The following FBXO15 variants were observed in gnomAD, a reference collection of about 807,000 sequenced individuals.
FBXO15 encodes F-box protein 15.
In FBXO15, 30 loss-of-function variants were observed where a neutral mutation model predicts 49.5. The observed-to-expected ratio is 0.61, with a 90% CI of 0.45 to 0.82. The LOEUF (loss-of-function observed/expected upper bound fraction) is 0.82, where lower values mean the gene tolerates loss of function less well. Ranked by LOEUF, FBXO15 falls within the 40% of genes least tolerant of loss-of-function variation. The pLI, the probability that FBXO15 is intolerant of heterozygous loss-of-function variation, is 0.00. For missense variants in FBXO15, 591 were observed against 631.5 expected (o/e 0.94, Z 0.69); for synonymous variants, 250 against 232.7 (o/e 1.07, Z -0.68).
chr18:74,146,244 T>A (rs1011902189), intron 1 of FBXO15, among the ~76,000 whole-genome samples: 1 of 152,258 alleles, frequency 6.6e-6, no homozygotes, highest in African/African-American at 2.4e-5. Context: ...AAGGGAACAC[T>A]GATTCCTTAA....
At chr18:74,112,686 G>C (rs755004569) in intron 8 of FBXO15, among the ~76,000 whole-genome samples, 2 of 152,210 alleles carry the variant, frequency 1.3e-5, no homozygotes, top group Non-Finnish European at 2.9e-5. Flanking sequence ...AAAGGAAATA[G>C]AAGGTATCCT....
rs1157816619 is a variant in FBXO15 at position 74,129,452 on chromosome 18, G to T, written c.738C>A (p.Gly246=). 6.2e-7 allele frequency: 1 copy of T among 1,613,792 alleles called. No homozygotes were observed. The highest frequency in any genetic ancestry group is 8.5e-7 in the Non-Finnish European group (1 of 1,179,964). ...ACCAGTCGGTAAAAACTGGTGTCAT[G>T]CCACATAAATCTAAGGTTGACAATG... The part of the protein sequence containing the change: ...LASLSTLDLC[G]MTPVFTDWYK... The change falls in exon 5 of 10, where the codon GGC becomes GGA. Residue 246 remains glycine (G), a synonymous_variant. Transcript: ENST00000419743.
At chr18:74,147,473 T>C (rs1979509320) in intron 1 of FBXO15, 197 bp downstream of exon 1, 1 of 1,218,268 alleles carries the variant, frequency 8.2e-7, no homozygotes, top group Non-Finnish European at 1.0e-6. Context: ...GCTACTCTAT[T>C]TGTGTCATAA....
At chr18:74,076,121 T>C (rs747354882) in intron 9 of FBXO15, 2 of 152,242 alleles carry the variant, frequency 1.3e-5, no homozygotes, top group African/African-American at 2.4e-5. Context: ...ATGCCTGAAA[T>C]GTGGGCGTCC....
intron 8 of FBXO15, among the ~76,000 whole-genome samples, chr18:74,089,677 T>C (rs759214840): frequency 6.6e-6 from 1 of 152,222 alleles, no homozygotes; most frequent in Non-Finnish European, 1.5e-5. Context: ...TTGATAATCA[T>C]GTGGTTTTTG....
intron 8 of FBXO15, chr18:74,123,068 G>T: frequency 4.0e-6 from 1 of 252,006 alleles, no homozygotes; most frequent in Non-Finnish European, 7.5e-6. Flanking sequence ...GAAGAAGTCT[G>T]GGGAAAGCAG....
At chr18:74,090,995 A>G (rs754027966) in intron 8 of FBXO15, among the ~76,000 whole-genome samples, 23 of 152,146 alleles carry the variant, frequency 1.5e-4, no homozygotes, top group Admixed American at 1.0e-3. Context: ...GTGGGGTACT[A>G]AAGTCTCCCA....
At chr18:74,141,311 A>C (rs8094941) in intron 1 of FBXO15, among the ~76,000 whole-genome samples, 13,375 of 152,224 alleles carry the variant, frequency 0.088, 1,089 homozygotes, top group African/African-American at 0.21. Flanking sequence ...AGAGCCATGA[A>C]TGGTTACACT....
intron 3 of FBXO15, among the ~76,000 whole-genome samples, chr18:74,130,953 A>G (rs954140710): frequency 2.6e-5 from 4 of 152,244 alleles, no homozygotes; most frequent in Non-Finnish European, 4.4e-5. Context: ...GCCCTCTTAT[A>G]CCAGTAATGG....
chr18:74,134,450 G>C (rs1978590066), intron 3 of FBXO15, among the ~76,000 whole-genome samples: 1 of 145,894 alleles, frequency 6.9e-6, no homozygotes, highest in Admixed American at 7.1e-5. Context: ...CTCACTGCAA[G>C]CTCCGCCTCC....
chr18:74,140,854 T>C (rs1448724988), intron 1 of FBXO15: 2 of 152,252 alleles, frequency 1.3e-5, no homozygotes, highest in African/African-American at 4.8e-5. Context: ...ATTAGCCAAT[T>C]TGGATAAAAC....
intron 2 of FBXO15, among the ~76,000 whole-genome samples, chr18:74,139,601 T>C (rs546701150): frequency 6.6e-6 from 1 of 152,366 alleles, no homozygotes; most frequent in East Asian, 1.9e-4. Context: ...AGTTCTGCAA[T>C]ATGCAGACTA....
intron 8 of FBXO15, among the ~76,000 whole-genome samples, chr18:74,119,148 C>T (rs1914368658): frequency 6.6e-6 from 1 of 152,220 alleles, no homozygotes; most frequent in Non-Finnish European, 1.5e-5. Context: ...GGCCAGCCTG[C>T]AGCTCTGCTC....
rs1912112275 is a variant in FBXO15 at position 74,073,441 on chromosome 18, CAAT to C, written c.*17_*19del. On this transcript the variant is annotated 3_prime_UTR_variant, in exon 10 of 10. Coordinates refer to ENST00000419743, the MANE Select transcript of FBXO15 (RefSeq NM_001142958.2). The stretch of plus-strand genomic sequence containing the variant: ...TCAAAAATAAACAACTAAATAACAA[CAAT>C]AATTTGCCACCTACTGCTAATATTC... The C allele has an allele frequency of 6.2e-7, 1 of 1,600,524 alleles. No homozygotes were observed.
chr18:74,080,598 T>C (rs1912450146), intron 9 of FBXO15, among the ~76,000 whole-genome samples: 1 of 152,244 alleles, frequency 6.6e-6, no homozygotes, highest in Non-Finnish European at 1.5e-5. Context: ...GGTCCAATTT[T>C]GAAGCCGTAT....
At chr18:74,098,437 A>G (rs1913377213) in intron 8 of FBXO15, 2 of 152,218 alleles carry the variant, frequency 1.3e-5, no homozygotes, top group Non-Finnish European at 2.9e-5. Flanking sequence ...TTAAAACTTC[A>G]GGAAATAAAT....
intron 8 of FBXO15, among the ~76,000 whole-genome samples, chr18:74,090,249 G>T (rs1247368160): frequency 6.6e-6 from 1 of 151,998 alleles, no homozygotes; most frequent in Non-Finnish European, 1.5e-5. Context: ...TTCCTCTAGG[G>T]TCAGTGGTAA....
At chr18:74,082,271 T>C (rs74378884) in intron 8 of FBXO15, among the ~76,000 whole-genome samples, 2 of 152,058 alleles carry the variant, frequency 1.3e-5, no homozygotes, top group African/African-American at 4.8e-5. Flanking sequence ...AGAAAGGTGA[T>C]GTCAAAGGTG....
At chr18:74,135,277 C>A (rs566803591) in intron 3 of FBXO15, among the ~76,000 whole-genome samples, 1 of 152,264 alleles carries the variant, frequency 6.6e-6, no homozygotes, top group East Asian at 1.9e-4. Flanking sequence ...TCGCTCTCCC[C>A]ACAGAGTAAG....
Sources: gnomAD v4.1 joint callset for allele counts (sites outside exome capture counted in the v4.1 genomes callset) on GRCh38, gnomAD v4.1.1 for gene constraint, MANE v1.5 for transcripts, NCBI Gene and HGNC (gene_info 2026-07-23, HGNC 2026-07-21) for gene names.